Variants in SLC25A20 observed in about 807,000 individuals in gnomAD.
SLC25A20 encodes solute carrier family 25 member 20.
SLC25A20 carries 29 observed loss-of-function variants against 39.7 expected under a neutral mutation model. The ratio of observed to expected loss-of-function variants is 0.73; its 90% confidence interval spans 0.54 to 1.00. SLC25A20 has a LOEUF of 1.00. SLC25A20 is among the 50% of genes least tolerant of loss of function. The pLI, the probability that SLC25A20 is intolerant of heterozygous loss-of-function variation, is 0.00. For synonymous variants in SLC25A20, 103 were observed against 142.2 expected (o/e 0.72, Z 1.96); for missense variants, 333 against 379.9 (o/e 0.88, Z 1.03).
At chr3:48,877,011 G>A (rs1057196295) in intron 4 of SLC25A20, among the ~76,000 whole-genome samples, 2 of 151,926 alleles carry the variant, frequency 1.3e-5, no homozygotes, top group Admixed American at 6.6e-5. Context: ...CAGGAGAATC[G>A]CTTGAAGCCA....
intron 4 of SLC25A20, among the ~76,000 whole-genome samples, chr3:48,868,581 T>C (rs2106642341): frequency 6.6e-6 from 1 of 152,320 alleles, no homozygotes; most frequent in East Asian, 1.9e-4. Flanking sequence ...GTGAGTTCCT[T>C]GGGTTTTCCT....
At chr3:48,876,703 G>A (rs2083760528) in intron 4 of SLC25A20, among the ~76,000 whole-genome samples, 1 of 151,714 alleles carries the variant, frequency 6.6e-6, no homozygotes, top group Non-Finnish European at 1.5e-5. Flanking sequence ...GGGATTACAG[G>A]CATGAGCCAC....
intron 4 of SLC25A20, among the ~76,000 whole-genome samples, chr3:48,878,812 A>T (rs2083780376): frequency 6.6e-6 from 1 of 151,908 alleles, no homozygotes; most frequent in Admixed American, 6.6e-5. Context: ...AAAAAAAAAA[A>T]AAAAAATTTG....
rs1401813423 is a variant in SLC25A20 at position 48,898,802 on chromosome 3, C to A, written c.-8G>T. ...TTTTGGCTGGTCGGCCATGGTCAGTCCGTCTGTCACTCCGTCTGTCAGTTC... is the reference window on the plus strand; with the variant it reads ...TTTTGGCTGGTCGGCCATGGTCAGTACGTCTGTCACTCCGTCTGTCAGTTC... On this transcript the variant is annotated 5_prime_UTR_variant, in exon 1 of 9. Transcript: ENST00000319017. The A allele has an allele frequency of 1.3e-6, 2 of 1,557,738 alleles. No homozygotes were observed. Among genetic ancestry groups the A allele is most frequent in the African/African-American group, 2.7e-5 (2 of 73,400 alleles).
chr3:48,858,714 GGGAAA>G, intron 7 of SLC25A20, 83 bp from the exon 8 acceptor site: 1 of 1,562,960 alleles, frequency 6.4e-7, no homozygotes, highest in Admixed American at 1.7e-5. Context: ...GACTAGCACA[GGGAAA>G]GGACACCTTG....
intron 3 of SLC25A20, among the ~76,000 whole-genome samples, chr3:48,880,115 A>G (rs1236108891): frequency 6.6e-6 from 1 of 152,156 alleles, no homozygotes; most frequent in Non-Finnish European, 1.5e-5. Context: ...TGGACCCTGT[A>G]CAGGGAAATA....
intron 4 of SLC25A20, among the ~76,000 whole-genome samples, chr3:48,870,894 T>C (rs2083710019): frequency 6.7e-6 from 1 of 149,880 alleles, no homozygotes; most frequent in Admixed American, 6.8e-5. Context: ...TGGCGTGATC[T>C]CAGCTCACTG....
chr3:48,865,788 A>G (rs2083663491), intron 4 of SLC25A20, among the ~76,000 whole-genome samples: 2 of 146,242 alleles, frequency 1.4e-5, no homozygotes, highest in Admixed American at 6.8e-5. Context: ...AAAAAAAAAG[A>G]AAAGAAAAGA....
intron 4 of SLC25A20, among the ~76,000 whole-genome samples, chr3:48,873,791 C>T (rs1182819090): frequency 6.7e-6 from 1 of 148,746 alleles, no homozygotes; most frequent in Admixed American, 6.7e-5. Context: ...CACGGTGAAA[C>T]CCCGTCTCTA....
chr3:48,858,850 C>T (rs2083601412), intron 7 of SLC25A20, among the ~76,000 whole-genome samples: 1 of 152,194 alleles, frequency 6.6e-6, no homozygotes, highest in African/African-American at 2.4e-5. Flanking sequence ...CCCTTCTGTT[C>T]ATGTGGGGGA....
chr3:48,894,069 G>A (rs769269481), intron 1 of SLC25A20, among the ~76,000 whole-genome samples: 16 of 149,730 alleles, frequency 1.1e-4, no homozygotes, highest in Non-Finnish European at 2.2e-4. Flanking sequence ...GCTGAGGCAG[G>A]AGAATTGCTT....
chr3:48,863,885 C>T (rs1258437502), intron 4 of SLC25A20, among the ~76,000 whole-genome samples: 9 of 151,588 alleles, frequency 5.9e-5, no homozygotes, highest in Non-Finnish European at 1.3e-4. Flanking sequence ...CGTGGTGGTA[C>T]ATGCCTGTAA....
chr3:48,885,149 T>C (rs558579770), intron 2 of SLC25A20, among the ~76,000 whole-genome samples: 2 of 152,078 alleles, frequency 1.3e-5, no homozygotes, highest in Admixed American at 6.6e-5. Context: ...TGTGTGCCTG[T>C]AGTCCTAGGC....
At position 48,891,961 on chromosome 3, in the gene SLC25A20, C is replaced by A. The variant is rs199753606; in HGVS notation, c.198+19G>T. ...GAATGTGTTCTGAGTAAGAGGAATG[C>A]CCAGCACCATATACCAACCTCTCTA... On this transcript the variant is annotated intron_variant, in intron 2 of 8. Coordinates refer to ENST00000319017, the MANE Select transcript of SLC25A20 (RefSeq NM_000387.6). 17 of 1,575,202 alleles carry A rather than the reference C, an allele frequency of 1.1e-5. No individual in the cohort carries two copies. The highest frequency in any genetic ancestry group is 1.5e-5 in the Non-Finnish European group (17 of 1,144,708).
At chr3:48,891,945 C>G in intron 2 of SLC25A20, 35 bp downstream of exon 2, 1 of 1,505,662 alleles carries the variant, frequency 6.6e-7, no homozygotes, top group East Asian at 2.3e-5. Context: ...TGAATGTGTT[C>G]TGAGTAAGAG....
In SLC25A20 at chr3:48,884,040, A is replaced by G. The variant is rs543494734; in HGVS notation, c.283T>C (p.Leu95=). The G allele has an allele frequency of 7.4e-6, 12 of 1,613,912 alleles. No individual in the cohort carries two copies. In the East Asian group the frequency reaches 8.9e-5, roughly 12 times the overall value. The change falls in exon 3 of 9, where the codon TTG becomes CTG. Residue 95 remains leucine (L), a synonymous_variant. Coordinates refer to ENST00000319017, the MANE Select transcript of SLC25A20 (RefSeq NM_000387.6). ...TGTTTCTGTTGTAGTTTCTTCCCCA[A>G]ACCAAACCCAAAGAAGCACACGGCA... The part of the protein sequence containing the change: ...MFAVCFFGFG[L]GKKLQQKHPE...
At chr3:48,869,518 G>A (rs571058740) in intron 4 of SLC25A20, among the ~76,000 whole-genome samples, 194 of 152,150 alleles carry the variant, frequency 1.3e-3, no homozygotes, top group African/African-American at 3.9e-3. Flanking sequence ...CACTGTGCCC[G>A]GCCGAAAAAC....
chr3:48,859,963 T>A (rs2083611528), intron 5 of SLC25A20, among the ~76,000 whole-genome samples: 1 of 152,108 alleles, frequency 6.6e-6, no homozygotes, highest in Non-Finnish European at 1.5e-5. Context: ...GGCCAGGAAT[T>A]CGAGACCAGT....
At chr3:48,866,560 AAAAC>A (rs1166068838) in intron 4 of SLC25A20, among the ~76,000 whole-genome samples, 1 of 152,150 alleles carries the variant, frequency 6.6e-6, no homozygotes, top group Non-Finnish European at 1.5e-5. Context: ...TCTCAAAAAA[AAAAC>A]AAAAAACAAA....
Sources: allele counts gnomAD v4.1 joint callset (sites outside exome capture counted in the v4.1 genomes callset), GRCh38; gene constraint gnomAD v4.1.1; transcripts MANE v1.5; gene names NCBI Gene and HGNC (gene_info 2026-07-23, HGNC 2026-07-21).